PRKD1: variants seen among roughly 807,000 people sequenced by gnomAD.
PRKD1 encodes the protein protein kinase D1.
PRKD1 carries 63 observed loss-of-function variants against 95.9 expected under a neutral mutation model. The ratio of observed to expected loss-of-function variants is 0.66; its 90% CI spans 0.54 to 0.81. The LOEUF (loss-of-function observed/expected upper bound fraction) is 0.81. Ranked by LOEUF, PRKD1 falls within the 30% of genes least tolerant of loss-of-function variation. PRKD1 has a pLI of 0.00. For missense variants in PRKD1, 1,048 were observed against 1,165.3 expected (o/e 0.90, Z 1.47); for synonymous variants, 425 against 423.1 (o/e 1.00, Z -0.05).
chr14:29,911,641 T>C (rs1894717823), intron 1 of PRKD1, among the ~76,000 whole-genome samples: 1 of 152,216 alleles, frequency 6.6e-6, no homozygotes, highest in Non-Finnish European at 1.5e-5. Context: ...TATGATCCAC[T>C]TTGGGGCTTA....
chr14:29,793,810 T>C (rs959467507), intron 1 of PRKD1, among the ~76,000 whole-genome samples: 1 of 152,062 alleles, frequency 6.6e-6, no homozygotes, highest in African/African-American at 2.4e-5. Flanking sequence ...TTCTTAAACA[T>C]ATACTATTAT....
intron 1 of PRKD1, among the ~76,000 whole-genome samples, chr14:29,877,414 C>T (rs913962343): frequency 3.9e-5 from 6 of 152,154 alleles, no homozygotes; most frequent in African/African-American, 1.2e-4. Flanking sequence ...GCATACTTTG[C>T]AAATATTCTC....
chr14:29,920,983 GA>G (rs1895081430), intron 1 of PRKD1, among the ~76,000 whole-genome samples: 1 of 152,136 alleles, frequency 6.6e-6, no homozygotes, highest in South Asian at 2.1e-4. Flanking sequence ...TGTATCAAGC[GA>G]TGATCTGCAA....
chr14:29,920,276 T>C (rs1895056380), intron 1 of PRKD1, among the ~76,000 whole-genome samples: 1 of 152,126 alleles, frequency 6.6e-6, no homozygotes, highest in South Asian at 2.1e-4. Context: ...GCTGGGGAAA[T>C]TAAAAGATGA....
At chr14:29,900,194 C>T (rs1326436064) in intron 1 of PRKD1, among the ~76,000 whole-genome samples, 1 of 152,170 alleles carries the variant, frequency 6.6e-6, no homozygotes, top group Non-Finnish European at 1.5e-5. Context: ...CATAACAATC[C>T]TAAATGTCTA....
chr14:29,816,074 T>C (rs1240678345), intron 1 of PRKD1, among the ~76,000 whole-genome samples: 1 of 151,972 alleles, frequency 6.6e-6, no homozygotes, highest in Non-Finnish European at 1.5e-5. Flanking sequence ...AAAAATTAGC[T>C]GGGTGTCGTG....
At chr14:29,700,618 C>A (rs1884778021) in intron 2 of PRKD1, among the ~76,000 whole-genome samples, 1 of 152,126 alleles carries the variant, frequency 6.6e-6, no homozygotes, top group African/African-American at 2.4e-5. Flanking sequence ...GCCTTCTTGG[C>A]TAGATTATGC....
chr14:29,855,447 T>G (rs993052064), intron 1 of PRKD1, among the ~76,000 whole-genome samples: 2 of 152,148 alleles, frequency 1.3e-5, no homozygotes, highest in Admixed American at 6.5e-5. Flanking sequence ...ATTTCTCCCA[T>G]GTGGAAGAGC....
At chr14:29,856,025 A>G (rs1443307281) in intron 1 of PRKD1, among the ~76,000 whole-genome samples, 3 of 152,184 alleles carry the variant, frequency 2.0e-5, no homozygotes, top group Non-Finnish European at 2.9e-5. Flanking sequence ...ACACTAATCC[A>G]TCATAATAGA....
At chr14:29,851,254 C>A (rs1892296748) in intron 1 of PRKD1, among the ~76,000 whole-genome samples, 1 of 152,096 alleles carries the variant, frequency 6.6e-6, no homozygotes, top group African/African-American at 2.4e-5. Flanking sequence ...AGAGCCTCTG[C>A]ACAGCAAAAT....
chr14:29,889,690 G>A (rs1189492978), intron 1 of PRKD1, among the ~76,000 whole-genome samples: 2 of 152,082 alleles, frequency 1.3e-5, no homozygotes, highest in Admixed American at 6.5e-5. Context: ...GCTGAACAAC[G>A]AGAACACATG....
chr14:29,829,415 T>C (rs1891317689), intron 1 of PRKD1, among the ~76,000 whole-genome samples: 1 of 152,242 alleles, frequency 6.6e-6, no homozygotes, highest in Admixed American at 6.5e-5. Context: ...TTTCCTCAAG[T>C]AGGATATAAA....
At chr14:29,615,331 A>T (rs1392834582) in intron 13 of PRKD1, among the ~76,000 whole-genome samples, 1 of 152,236 alleles carries the variant, frequency 6.6e-6, no homozygotes, top group Non-Finnish European at 1.5e-5. Context: ...TTGACAAAAT[A>T]GTGCTAGATA....
intron 2 of PRKD1, among the ~76,000 whole-genome samples, chr14:29,673,517 C>T (rs774171305): frequency 4.6e-5 from 7 of 152,202 alleles, no homozygotes; most frequent in East Asian, 1.9e-4. Flanking sequence ...TTTTCCATAG[C>T]GTCCTGGACA....
In PRKD1 at chr14:29,626,038, A is replaced by G. The variant is rs376214862; in HGVS notation, c.1798+446T>C. Among the ~76,000 whole-genome samples the G allele has an allele frequency of 1.3e-4, 20 of 152,324 alleles. No homozygotes were observed. In the East Asian group the frequency reaches 3.9e-3, roughly 29 times the overall value. ...TGATATTTCACCTCAAAAATTAAAA[A>G]AAAATTCAAACCTTCAGGAAACAAA... is the stretch of plus-strand genomic sequence containing the variant. On this transcript the variant is annotated intron_variant, in intron 12 of 17. Transcript: ENST00000331968.
At chr14:29,612,767 G>T (rs1010679320) in intron 13 of PRKD1, among the ~76,000 whole-genome samples, 6 of 152,034 alleles carry the variant, frequency 3.9e-5, no homozygotes, top group Non-Finnish European at 8.8e-5. Flanking sequence ...TTTCCTTAGA[G>T]CTCCAAAACA....
chr14:29,852,979 C>T (rs1044718573), intron 1 of PRKD1, among the ~76,000 whole-genome samples: 2 of 152,010 alleles, frequency 1.3e-5, no homozygotes, highest in African/African-American at 2.4e-5. Flanking sequence ...AACTATATTC[C>T]GTCTACATGA....
At chr14:29,809,808 G>GAGT (rs2139239740) in intron 1 of PRKD1, among the ~76,000 whole-genome samples, 1 of 152,258 alleles carries the variant, frequency 6.6e-6, no homozygotes, top group African/African-American at 2.4e-5. Context: ...GTGTTCACTG[G>GAGT]AGTAGCACTT....
At chr14:29,681,483 T>C (rs1253470241) in intron 2 of PRKD1, among the ~76,000 whole-genome samples, 1 of 152,164 alleles carries the variant, frequency 6.6e-6, no homozygotes, top group Non-Finnish European at 1.5e-5. Flanking sequence ...CTGAGATGAA[T>C]AATATTGTCA....
Sources: allele counts gnomAD v4.1 joint callset (sites outside exome capture counted in the v4.1 genomes callset), GRCh38; gene constraint gnomAD v4.1.1; transcripts MANE v1.5; gene names NCBI Gene and HGNC (gene_info 2026-07-23, HGNC 2026-07-21).